Variants in FBXL17 observed in about 807,000 individuals in gnomAD.
The protein encoded by FBXL17 is F-box and leucine rich repeat protein 17, also known as F-box/LRR-repeat protein 17.
In FBXL17, 22 loss-of-function variants were observed where a neutral mutation model predicts 66.2. The observed-to-expected ratio is 0.33, with a 90% CI of 0.24 to 0.47. The LOEUF is 0.47. FBXL17 is among the 20% of genes least tolerant of loss of function. The pLI is 1.00. For missense variants in FBXL17, 878 were observed against 948.2 expected (o/e 0.93, Z 0.97); for synonymous variants, 474 against 400.5 (o/e 1.18, Z -2.19).
At chr5:108,079,004 G>C (rs1216013513) in intron 6 of FBXL17, among the ~76,000 whole-genome samples, 1 of 151,944 alleles carries the variant, frequency 6.6e-6, no homozygotes, top group Non-Finnish European at 1.5e-5. Context: ...TTCCAGCCTT[G>C]AACGATCTAA....
chr5:108,175,312 G>A (rs1427326266), intron 6 of FBXL17, among the ~76,000 whole-genome samples: 2 of 152,056 alleles, frequency 1.3e-5, no homozygotes, highest in African/African-American at 2.4e-5. Flanking sequence ...TAAACAAAAC[G>A]TCACACATCC....
intron 7 of FBXL17, among the ~76,000 whole-genome samples, chr5:107,993,870 T>C (rs1753363509): frequency 6.6e-6 from 1 of 152,178 alleles, no homozygotes; most frequent in African/African-American, 2.4e-5. Context: ...TAACCAATTT[T>C]TGAATAGAGC....
At chr5:108,299,843 A>G (rs1758507676) in intron 4 of FBXL17, 1 of 984,824 alleles carries the variant, frequency 1.0e-6, no homozygotes, top group Non-Finnish European at 1.2e-6. Context: ...AGAATCTGAA[A>G]AAAAGGGTAG....
intron 6 of FBXL17, among the ~76,000 whole-genome samples, chr5:108,184,747 C>CAAA (rs34512714): frequency 0.069 from 5,665 of 81,868 alleles, 266 homozygotes; most frequent in African/African-American, 0.088. Flanking sequence ...GACTCGGTCT[C>CAAA]AAAAAAAAAA....
chr5:108,222,974 C>T (rs1423428262), intron 5 of FBXL17, among the ~76,000 whole-genome samples: 2 of 151,930 alleles, frequency 1.3e-5, no homozygotes, highest in Non-Finnish European at 2.9e-5. Context: ...GTGCCTGGCC[C>T]GCATCTGTTT....
chr5:107,980,402 T>A (rs1580279285), intron 7 of FBXL17, among the ~76,000 whole-genome samples: 1 of 74,478 alleles, frequency 1.3e-5, no homozygotes. Flanking sequence ...TTACTTAATA[T>A]TTTTTTTTTT....
chr5:108,100,451 G>T (rs1180073069), intron 6 of FBXL17, among the ~76,000 whole-genome samples: 1 of 152,014 alleles, frequency 6.6e-6, no homozygotes, highest in Non-Finnish European at 1.5e-5. Flanking sequence ...CTGTTTCTAA[G>T]CAAATCCCAA....
intron 4 of FBXL17, among the ~76,000 whole-genome samples, chr5:108,306,533 T>C (rs1758850888): frequency 6.6e-6 from 1 of 152,118 alleles, no homozygotes; most frequent in Non-Finnish European, 1.5e-5. Context: ...ACAGAGATAG[T>C]GTGAGAATTA....
intron 7 of FBXL17, among the ~76,000 whole-genome samples, chr5:108,016,882 C>A (rs1754409168): frequency 6.6e-6 from 1 of 151,516 alleles, no homozygotes; most frequent in African/African-American, 2.4e-5. Context: ...CAGGTTCAAG[C>A]AATTTTCCTG....
At chr5:108,176,116 C>T (rs1752785719) in intron 6 of FBXL17, among the ~76,000 whole-genome samples, 1 of 152,098 alleles carries the variant, frequency 6.6e-6, no homozygotes, top group South Asian at 2.1e-4. Flanking sequence ...TCATTTTCAT[C>T]AATAAATGAA....
At chr5:108,026,318 T>C (rs374365256) in intron 6 of FBXL17, among the ~76,000 whole-genome samples, 93 of 152,194 alleles carry the variant, frequency 6.1e-4, no homozygotes, top group African/African-American at 2.2e-3. Context: ...TAAACAGCTA[T>C]ACATAAATGA....
chr5:108,184,186 C>T (rs992811723), intron 6 of FBXL17, among the ~76,000 whole-genome samples: 133 of 152,204 alleles, frequency 8.7e-4, no homozygotes, highest in African/African-American at 3.0e-3. Flanking sequence ...TTTGGGAGAT[C>T]GAGGCGGCGG....
At chr5:107,988,979 TG>T (rs2112687783) in intron 7 of FBXL17, among the ~76,000 whole-genome samples, 1 of 152,100 alleles carries the variant, frequency 6.6e-6, no homozygotes, top group South Asian at 2.1e-4. Flanking sequence ...CCCATGGGGA[TG>T]TCTTCATTTT....
intron 7 of FBXL17, among the ~76,000 whole-genome samples, chr5:107,909,826 G>A (rs555147394): frequency 1.3e-5 from 2 of 152,230 alleles, no homozygotes; most frequent in South Asian, 4.2e-4. Context: ...GAAGCACTGG[G>A]ATCAGACCAG....
chr5:108,207,939 T>C (rs1307673451), intron 5 of FBXL17, among the ~76,000 whole-genome samples: 1 of 152,058 alleles, frequency 6.6e-6, no homozygotes, highest in African/African-American at 2.4e-5. Context: ...CCGAGTGTTG[T>C]AAGTGTCCCT....
chr5:107,876,255 G>C (rs1313995204), intron 8 of FBXL17, among the ~76,000 whole-genome samples: 3 of 152,154 alleles, frequency 2.0e-5, no homozygotes, highest in Admixed American at 2.0e-4. Context: ...TAAGCAAAAT[G>C]CTTTGCCAAG....
intron 6 of FBXL17, among the ~76,000 whole-genome samples, chr5:108,174,053 T>C (rs1752702377): frequency 1.3e-5 from 2 of 152,114 alleles, no homozygotes; most frequent in South Asian, 4.1e-4. Flanking sequence ...CTGGAGAAAA[T>C]GCCAGTAGCC....
In FBXL17 at chr5:108,145,910, G is replaced by A. The variant is rs1322526016; in HGVS notation, c.1745+40207C>T. Reference sequence around the variant, plus strand: ...TGAGAGAGAAATGCACAAGACGGCAGTGATCATAAGATATTAAGACTCATC... The same window carrying A: ...TGAGAGAGAAATGCACAAGACGGCAATGATCATAAGATATTAAGACTCATC... On this transcript the variant is annotated intron_variant, in intron 6 of 8. Coordinates refer to ENST00000542267, the MANE Select transcript of FBXL17 (RefSeq NM_001163315.3). Among the ~76,000 whole-genome samples the A allele has an allele frequency of 3.3e-5, 5 of 151,806 alleles. No homozygotes were observed. The East Asian group carries it at 9.7e-4, about 29-fold the overall frequency.
In FBXL17 at chr5:108,191,122, G is replaced by A. The variant is rs552050076; in HGVS notation, c.1615-4875C>T. On this transcript the variant is annotated intron_variant, in intron 5 of 8. Transcript: ENST00000542267. Reference sequence around the variant, plus strand: ...TAGCTATATGCATATGTGAACTACTGAATAGAACCATGCAAAATACACATA... The same window carrying A: ...TAGCTATATGCATATGTGAACTACTAAATAGAACCATGCAAAATACACATA... 3.9e-5 allele frequency among the ~76,000 whole-genome samples: 6 copies of A among 152,302 alleles called. No homozygotes were observed. In the South Asian group the frequency reaches 1.2e-3, roughly 32 times the overall value.
Sources: allele counts gnomAD v4.1 joint callset (sites outside exome capture counted in the v4.1 genomes callset), GRCh38; gene constraint gnomAD v4.1.1; transcripts MANE v1.5; gene names NCBI Gene and HGNC (gene_info 2026-07-23, HGNC 2026-07-21).